The following ZNF529 variants were observed in gnomAD, a reference collection of about 807,000 sequenced individuals.
ZNF529 encodes the protein zinc finger protein 529.
A neutral mutation model predicts 10.1 loss-of-function variants in ZNF529; 11 were observed. The observed-to-expected ratio is 1.09, with a 90% CI of 0.69 to 1.81. The LOEUF (loss-of-function observed/expected upper bound fraction) is 1.81, where lower values mean the gene tolerates loss of function less well. Ranked by LOEUF, ZNF529 falls within the 40% of genes most tolerant of loss-of-function variation. The pLI, the probability that ZNF529 is intolerant of heterozygous loss-of-function variation, is 0.00. For missense variants in ZNF529, 624 were observed against 666.8 expected, an observed-to-expected ratio of 0.94 and a Z score of 0.71; for synonymous variants, 204 against 215.7, an observed-to-expected ratio of 0.95 and a Z score of 0.47.
Position 36,547,987 on chromosome 19 carries a change from T to C in ZNF529, c.571A>G (p.Lys191Glu). 6.2e-7 allele frequency: 1 copy of C among 1,613,474 alleles called. No homozygotes were observed. Among genetic ancestry groups the C allele is most frequent in the Non-Finnish European group, 8.5e-7 (1 of 1,179,776 alleles). The change falls in exon 5 of 5, where the codon AAA becomes GAA. Residue 191 changes from lysine (K) to glutamate (E), a missense_variant. Coordinates refer to ENST00000591340, the MANE Select transcript of ZNF529 (RefSeq NM_020951.5). ...SCDLEFDEYQ[K>E]IHTGGKNYEC... Reference sequence around the variant, plus strand: ...TAGTTTTTTCCACCAGTATGTATTTTCTGATATTCATCAAACTCTAAGTCA... The same window carrying C: ...TAGTTTTTTCCACCAGTATGTATTTCCTGATATTCATCAAACTCTAAGTCA...
chr19:36,561,596 GT>G (rs1429618925), intron 2 of ZNF529, among the ~76,000 whole-genome samples: 5 of 152,104 alleles, frequency 3.3e-5, no homozygotes, highest in African/African-American at 1.2e-4. Flanking sequence ...ACTGCAGACA[GT>G]CCCCCCTAGG....
intron 4 of ZNF529, 58 bp from the exon 5 acceptor site, chr19:36,548,380 G>T: frequency 7.0e-7 from 1 of 1,429,530 alleles, no homozygotes; most frequent in Non-Finnish European, 9.3e-7. Flanking sequence ...GTTATAGAAA[G>T]AAGAGACAAT....
chr19:36,547,578 T>G lies in ZNF529; in HGVS notation c.980A>C (p.Glu327Ala). ...KDFRFHSQLT[E>A]HQRIHTGEKP... ...CTCACCAGTATGAATTCTCTGATGT[T>G]CGGTAAGCTGTGAATGAAATCTGAA... The change falls in exon 5 of 5, where the codon GAA becomes GCA. Residue 327 changes from glutamate to alanine, a missense_variant. By Grantham distance (107) the Glu-to-Ala change is moderately radical. Coordinates refer to ENST00000591340, the MANE Select transcript of ZNF529 (RefSeq NM_020951.5). 1 of 1,613,900 alleles carries G rather than the reference T, an allele frequency of 6.2e-7. No individual in the cohort carries two copies. The highest frequency in any genetic ancestry group is 1.3e-5 in the African/African-American group (1 of 75,048).
chr19:36,593,040 GCCT>G (rs2036760302), intron 1 of ZNF529, among the ~76,000 whole-genome samples: 2 of 152,084 alleles, frequency 1.3e-5, no homozygotes, highest in Non-Finnish European at 2.9e-5. Flanking sequence ...AGGCAACAAT[GCCT>G]ATCTATGACT....
chr19:36,554,402 C>T (rs1389254527), intron 4 of ZNF529, among the ~76,000 whole-genome samples: 1 of 152,092 alleles, frequency 6.6e-6, no homozygotes, highest in Admixed American at 6.5e-5. Flanking sequence ...CATGGTGAAA[C>T]CCTGTCTCTA....
chr19:36,560,075 G>A (rs776709866), intron 2 of ZNF529, among the ~76,000 whole-genome samples: 9 of 152,044 alleles, frequency 5.9e-5, no homozygotes, highest in South Asian at 2.1e-4. Flanking sequence ...CCTGATCAAC[G>A]TGGAAAAACC....
chr19:36,565,046 C>CA (rs1356652520), intron 2 of ZNF529, among the ~76,000 whole-genome samples: 1 of 151,960 alleles, frequency 6.6e-6, no homozygotes, highest in Non-Finnish European at 1.5e-5. Context: ...ACACTGGGTA[C>CA]AAATAGACAT....
intron 2 of ZNF529, among the ~76,000 whole-genome samples, chr19:36,560,905 A>C (rs2035666654): frequency 6.6e-6 from 1 of 152,368 alleles, no homozygotes; most frequent in East Asian, 1.9e-4. Flanking sequence ...ACACGGAAGC[A>C]AAATATAGAG....
chr19:36,574,472 T>C (rs1303046340), upstream of ZNF529, among the ~76,000 whole-genome samples: 1 of 151,936 alleles, frequency 6.6e-6, no homozygotes, highest in Non-Finnish European at 1.5e-5. Context: ...CGCCTTTCCA[T>C]CATGGCTTTA....
chr19:36,561,137 C>T (rs2035676826), intron 2 of ZNF529, among the ~76,000 whole-genome samples: 1 of 152,114 alleles, frequency 6.6e-6, no homozygotes, highest in Admixed American at 6.6e-5. Context: ...GGATGGTTTC[C>T]AGGGAAGGGC....
rs1169738873 is a variant in ZNF529 at position 36,548,142 on chromosome 19, A to T, written c.416T>A (p.Phe139Tyr). The T allele has an allele frequency of 1.9e-6, 3 of 1,613,880 alleles. No individual in the cohort carries two copies. Among genetic ancestry groups the T allele is most frequent in the Admixed American group, 1.7e-5 (1 of 60,008 alleles). The change falls in exon 5 of 5, where the codon TTC becomes TAC. Residue 139 changes from phenylalanine to tyrosine, a missense_variant. Physicochemically the swap from Phe to Tyr is conservative, Grantham distance 22. Coordinates refer to ENST00000591340, the MANE Select transcript of ZNF529 (RefSeq NM_020951.5). ...IDLQGPEVGY[F>Y]SQMKIISENV... ...TTCAGAGATGATTTTCATTTGACTG[A>T]AATATCCCACTTCAGGTCCTTGTAA...
At chr19:36,583,083 A>G (rs2036506395) in intron 2 of ZNF529, among the ~76,000 whole-genome samples, 1 of 151,814 alleles carries the variant, frequency 6.6e-6, no homozygotes, top group Admixed American at 6.6e-5. Context: ...TTGTTTGGAG[A>G]CAGGGTCTTG....
intron 1 of ZNF529, among the ~76,000 whole-genome samples, chr19:36,596,556 C>T (rs549917361): frequency 1.3e-4 from 19 of 151,926 alleles, no homozygotes; most frequent in Non-Finnish European, 2.5e-4. Context: ...CTCACTCTGT[C>T]ACCCAGGCTG....
chr19:36,604,676 C>G (rs2036990414), intron 1 of ZNF529: 1 of 152,316 alleles, frequency 6.6e-6, no homozygotes, highest in Admixed American at 6.5e-5. Flanking sequence ...AGAAATCAAA[C>G]TCTACAAAAG....
chr19:36,551,681 T>C (rs1295599431), intron 4 of ZNF529, among the ~76,000 whole-genome samples: 1 of 152,184 alleles, frequency 6.6e-6, no homozygotes, highest in African/African-American at 2.4e-5. Flanking sequence ...TGAAACACAC[T>C]GATTCCAATG....
Position 36,546,724 on chromosome 19 carries a change from A to T in ZNF529, c.*142T>A. 1 of 830,956 alleles carries T rather than the reference A, an allele frequency of 1.2e-6. No homozygotes were observed. The highest frequency in any genetic ancestry group is 1.8e-6 in the Non-Finnish European group (1 of 544,768). 51.5% of individuals were successfully genotyped at this position (830,956 alleles called of 1,614,324 possible). A position where few individuals can be genotyped will look rare whatever the true frequency, so the allele number is the denominator to read the frequency against. On this transcript the variant is annotated 3_prime_UTR_variant, in exon 5 of 5. Coordinates refer to ENST00000591340, the MANE Select transcript of ZNF529 (RefSeq NM_020951.5). ...ATATCAGCTATGACTAAGCAATTCT[A>T]CGTCTACATACAGAATGACCATGAA... is the stretch of plus-strand genomic sequence containing the variant.
intron 2 of ZNF529, among the ~76,000 whole-genome samples, chr19:36,563,931 A>G (rs1343364402): frequency 6.6e-6 from 1 of 152,180 alleles, no homozygotes; most frequent in African/African-American, 2.4e-5. Context: ...CACACAGACC[A>G]ATGGAATAGA....
intron 1 of ZNF529, among the ~76,000 whole-genome samples, chr19:36,601,991 C>G (rs1385970519): frequency 6.6e-6 from 1 of 151,960 alleles, no homozygotes; most frequent in African/African-American, 2.4e-5. Flanking sequence ...AGCAGTCCTC[C>G]CTCCTCAGTC....
At chr19:36,567,003 G>A (rs1310452421) in intron 2 of ZNF529, among the ~76,000 whole-genome samples, 12 of 149,950 alleles carry the variant, frequency 8.0e-5, no homozygotes, top group South Asian at 2.1e-4. Flanking sequence ...GCAACAGAGC[G>A]AGACTGTCTC....
Sources: gnomAD v4.1 joint callset for allele counts (sites outside exome capture counted in the v4.1 genomes callset) on GRCh38, gnomAD v4.1.1 for gene constraint, MANE v1.5 for transcripts, NCBI Gene and HGNC (gene_info 2026-07-23, HGNC 2026-07-21) for gene names.